Variants in SOBP observed in about 807,000 individuals in gnomAD.
SOBP encodes sine oculis binding protein homolog.
A neutral mutation model predicts 53.6 loss-of-function variants in SOBP; 4 were observed. The ratio of observed to expected loss-of-function variants is 0.07; its 90% CI spans 0.04 to 0.17. The LOEUF is 0.17. Ranked by LOEUF, SOBP falls within the 10% of genes least tolerant of loss-of-function variation. The pLI, the probability that SOBP is intolerant of heterozygous loss-of-function variation, is 1.00. For synonymous variants in SOBP, 584 were observed against 522.6 expected (o/e 1.12, Z -1.60); for missense variants, 1,088 against 1,204.7 (o/e 0.90, Z 1.43).
intron 3 of SOBP, chr6:107,515,089 A>G (rs978607032): frequency 6.6e-6 from 1 of 152,264 alleles, no homozygotes; most frequent in Non-Finnish European, 1.5e-5. Flanking sequence ...TTTTGATGTT[A>G]TGCATAGTGA....
chr6:107,599,102 A>C (rs532698365), intron 5 of SOBP, among the ~76,000 whole-genome samples: 1 of 152,276 alleles, frequency 6.6e-6, no homozygotes, highest in East Asian at 1.9e-4. Flanking sequence ...TGAAAATAGC[A>C]TAGAGACCAT....
In SOBP at chr6:107,634,470, T is replaced by C. The variant is rs1770891461; in HGVS notation, c.1626T>C (p.Pro542=). 3 of 1,610,114 alleles carry C rather than the reference T, an allele frequency of 1.9e-6. No homozygotes were observed. The highest frequency in any genetic ancestry group is 1.3e-5 in the African/African-American group (1 of 74,570). The change falls in exon 6 of 7, where the codon CCT becomes CCC. Residue 542 remains proline (P), a synonymous_variant. Transcript: ENST00000317357. The surrounding 1 kb of genome is among the most constrained non-coding windows in gnomAD (Gnocchi z 4.5). ...PLPVPIPIPI[P]IPHVSDSKPP... ...CGGTGCCCATCCCCATCCCCATCCC[T>C]ATCCCTCACGTCAGCGACTCCAAGC...
At chr6:107,584,633 T>C (rs900811379) in intron 4 of SOBP, among the ~76,000 whole-genome samples, 2 of 152,162 alleles carry the variant, frequency 1.3e-5, no homozygotes, top group African/African-American at 4.8e-5. Flanking sequence ...AATGGTTCAA[T>C]AAAAAAGCAA....
chr6:107,610,350 A>T (rs950849783), intron 5 of SOBP, among the ~76,000 whole-genome samples: 6 of 152,096 alleles, frequency 3.9e-5, no homozygotes, highest in Non-Finnish European at 8.8e-5. Context: ...GGCCAGAATC[A>T]TTGCTAGCTC....
chr6:107,490,389 T>C lies in SOBP; in HGVS notation c.-228T>C, dbSNP rs1395926691. 11 of 344,110 alleles carry C rather than the reference T, an allele frequency of 3.2e-5. No homozygotes were observed. The highest frequency in any genetic ancestry group is 2.7e-4 in the East Asian group (4 of 14,772). 21.3% of individuals were successfully genotyped at this position (344,110 alleles called of 1,614,324 possible). The stretch of plus-strand genomic sequence containing the variant: ...GACGGCGGCGGCATCCCCGAGACTC[T>C]CCGCACTATCCTTACCCGTGACAGC... On this transcript the variant is annotated 5_prime_UTR_variant, in exon 1 of 7. Transcript: ENST00000317357.
At chr6:107,598,861 C>T (rs760909618) in intron 5 of SOBP, among the ~76,000 whole-genome samples, 2 of 152,142 alleles carry the variant, frequency 1.3e-5, no homozygotes, top group African/African-American at 4.8e-5. Flanking sequence ...TCATTTCAAG[C>T]CAATTTTCCT....
At chr6:107,573,536 A>G (rs1785138096) in intron 4 of SOBP, among the ~76,000 whole-genome samples, 1 of 152,122 alleles carries the variant, frequency 6.6e-6, no homozygotes, top group Non-Finnish European at 1.5e-5. Context: ...CATTTTGCTG[A>G]TGTTTAGGTT....
At chr6:107,580,229 C>G (rs1785359787) in intron 4 of SOBP, among the ~76,000 whole-genome samples, 2 of 152,148 alleles carry the variant, frequency 1.3e-5, no homozygotes, top group African/African-American at 4.8e-5. Flanking sequence ...GCCCTCTGTC[C>G]AGGAGAAAGC....
At chr6:107,537,633 C>T (rs759900761) in intron 4 of SOBP, among the ~76,000 whole-genome samples, 3 of 152,010 alleles carry the variant, frequency 2.0e-5, no homozygotes, top group Non-Finnish European at 2.9e-5. Flanking sequence ...CCAACCTGAG[C>T]AATAGCGCGA....
At chr6:107,600,958 A>C (rs1361476092) in intron 5 of SOBP, among the ~76,000 whole-genome samples, 2 of 152,304 alleles carry the variant, frequency 1.3e-5, no homozygotes, top group South Asian at 2.1e-4. Context: ...ATTTAAAGTT[A>C]TATTGTTAAA....
chr6:107,519,494 A>G (rs936129677), intron 3 of SOBP, among the ~76,000 whole-genome samples: 1 of 152,120 alleles, frequency 6.6e-6, no homozygotes, highest in African/African-American at 2.4e-5. Flanking sequence ...GGGCGTGTGC[A>G]TTCTGAAAGT....
chr6:107,644,631 C>CA (rs1243190523), intron 6 of SOBP, among the ~76,000 whole-genome samples: 43 of 152,208 alleles, frequency 2.8e-4, no homozygotes, highest in African/African-American at 9.9e-4. Context: ...TTATGGCTGG[C>CA]AAAATACAAC....
chr6:107,654,024 C>T (rs1251130392), intron 6 of SOBP, among the ~76,000 whole-genome samples: 1 of 152,200 alleles, frequency 6.6e-6, no homozygotes, highest in Non-Finnish European at 1.5e-5. Context: ...CATTCTTGGC[C>T]ATGCTTCCCT....
In SOBP at chr6:107,635,300, G is replaced by T. The variant is rs1377770936; in HGVS notation, c.2456G>T (p.Arg819Leu). The T allele has an allele frequency of 6.2e-7, 1 of 1,613,840 alleles. No individual in the cohort carries two copies. Among genetic ancestry groups the T allele is most frequent in the African/African-American group, 1.3e-5 (1 of 75,016 alleles). Residue 819 changes from arginine to leucine, a missense_variant, in exon 6 of 7, where the codon CGG (arginine) becomes CTG (leucine). By Grantham distance (102) the Arg-to-Leu change is moderately radical (BLOSUM62 -2). Around this residue, in one of 6 missense-constraint regions of SOBP, gnomAD observed 665 missense variants for 629.7 expected, o/e 1.06. Transcript: ENST00000317357. The surrounding 1 kb of genome is among the most constrained non-coding windows in gnomAD (Gnocchi z 4.5). Reference protein sequence around the residue: ...PADEDHAYALRMLPKTGCVIQ... With the variant: ...PADEDHAYALLMLPKTGCVIQ... ...GACGAGGACCATGCCTATGCTCTGC[G>T]GATGCTGCCCAAGACCGGCTGCGTG... is the stretch of plus-strand genomic sequence containing the variant.
intron 6 of SOBP, among the ~76,000 whole-genome samples, chr6:107,653,575 G>T (rs1156272877): frequency 6.6e-6 from 1 of 152,216 alleles, no homozygotes; most frequent in African/African-American, 2.4e-5. Flanking sequence ...GACTCCTGGG[G>T]ATAAATATGA....
chr6:107,658,443 A>G lies in SOBP; in HGVS notation c.*240A>G, dbSNP rs1163132986. On this transcript the variant is annotated 3_prime_UTR_variant, in exon 7 of 7. Coordinates refer to ENST00000317357, the MANE Select transcript of SOBP (RefSeq NM_018013.4). ...CAGGCCCAGCCTTCCTGCTGCCACC[A>G]TCTCTGCTTCTCCCCAGAGGAACTT... 4 of 152,514 alleles carry G rather than the reference A, an allele frequency of 2.6e-5. No homozygotes were observed. The highest frequency in any genetic ancestry group is 5.9e-5 in the Non-Finnish European group (4 of 68,060). 9.4% of individuals were successfully genotyped at this position (152,514 alleles called of 1,614,324 possible). A position where few individuals can be genotyped will look rare whatever the true frequency, so the allele number is the denominator to read the frequency against.
intron 3 of SOBP, among the ~76,000 whole-genome samples, 158 bp downstream of exon 3, chr6:107,506,585 C>T (rs60052240): frequency 0.023 from 3,467 of 152,236 alleles, 154 homozygotes; most frequent in African/African-American, 0.079. Flanking sequence ...TAGAGTATTA[C>T]TGTTACATTA....
intron 4 of SOBP, among the ~76,000 whole-genome samples, chr6:107,573,777 C>A (rs557161965): frequency 6.6e-6 from 1 of 152,090 alleles, no homozygotes; most frequent in African/African-American, 2.4e-5. Context: ...TTTTATTTAC[C>A]GCCATAAAAT....
chr6:107,650,139 A>C (rs1771741742), intron 6 of SOBP, among the ~76,000 whole-genome samples: 1 of 152,234 alleles, frequency 6.6e-6, no homozygotes, highest in Admixed American at 6.5e-5. Context: ...ACAAGGCCTT[A>C]TAATTGGTTA....
Sources: allele counts gnomAD v4.1 joint callset (sites outside exome capture counted in the v4.1 genomes callset), GRCh38; gene constraint gnomAD v4.1.1; regional missense constraint gnomAD v4.1.1; non-coding constraint Gnocchi (gnomAD v3.1); transcripts MANE v1.5; gene names NCBI Gene and HGNC (gene_info 2026-07-23, HGNC 2026-07-21).